The following NUFIP2 variants were observed in gnomAD, a reference collection of about 807,000 sequenced individuals.
NUFIP2 encodes the protein FMR1-interacting protein NUFIP2.
NUFIP2 carries 6 observed loss-of-function variants against 56.9 expected under a neutral mutation model. The ratio of observed to expected loss-of-function variants is 0.11; its 90% CI spans 0.06 to 0.21. NUFIP2 has a LOEUF of 0.21. Among genes scored for constraint, NUFIP2 ranks in the 10% least tolerant of loss-of-function variants. The pLI is 1.00. For synonymous variants in NUFIP2, 321 were observed against 298.2 expected, an observed-to-expected ratio of 1.08 and a Z score of -0.79; for missense variants, 828 against 826.8, an observed-to-expected ratio of 1.00 and a Z score of -0.02.
intron 1 of NUFIP2, among the ~76,000 whole-genome samples, chr17:29,290,028 A>C (rs1443994199): frequency 2.6e-5 from 4 of 151,904 alleles, no homozygotes; most frequent in Admixed American, 6.6e-5. Context: ...GATTCTCCTG[A>C]CTCAGCCTCC....
At chr17:29,268,122 C>A (rs979053561) in intron 2 of NUFIP2, among the ~76,000 whole-genome samples, 10 of 152,338 alleles carry the variant, frequency 6.6e-5, no homozygotes, top group African/African-American at 2.4e-4. Flanking sequence ...TGGTCTTGAA[C>A]TCCTGACCTC....
At chr17:29,292,267 C>A (rs942132956) in intron 1 of NUFIP2, among the ~76,000 whole-genome samples, 1 of 152,034 alleles carries the variant, frequency 6.6e-6, no homozygotes, top group East Asian at 1.9e-4. Context: ...TTGGGTTCAC[C>A]CTTAAGGACA....
At chr17:29,266,446 T>C (rs1217239275) in intron 3 of NUFIP2, among the ~76,000 whole-genome samples, 3 of 151,916 alleles carry the variant, frequency 2.0e-5, no homozygotes, top group Admixed American at 6.6e-5. Context: ...ATAAGAGAAA[T>C]TTCTACACAT....
intron 2 of NUFIP2, among the ~76,000 whole-genome samples, chr17:29,268,681 A>G (rs1270893038): frequency 6.6e-6 from 1 of 151,666 alleles, no homozygotes; most frequent in Non-Finnish European, 1.5e-5. Flanking sequence ...CCATGCTCAG[A>G]TAATTTTGTA....
At position 29,286,234 on chromosome 17, in the gene NUFIP2, T is replaced by G; in HGVS notation, c.1760A>C (p.Glu587Ala). 1 of 1,614,200 alleles carries G rather than the reference T, an allele frequency of 6.2e-7. No homozygotes were observed. Among genetic ancestry groups the G allele is most frequent in the African/African-American group, 1.3e-5 (1 of 75,054 alleles). Reference sequence around the variant, plus strand: ...GGGTTCCAAGGATAAGGCTCCACTCTCACTAGTAGTCCCAGATTTTAGAAT... The same window carrying G: ...GGGTTCCAAGGATAAGGCTCCACTCGCACTAGTAGTCCCAGATTTTAGAAT... ...GSILKSGTTS[E>A]SGALSLEPSH... Residue 587 changes from glutamate (E) to alanine (A), a missense_variant, in exon 2 of 4, where the codon GAG becomes GCG. Around this residue, in one of 3 missense-constraint regions of NUFIP2, gnomAD observed 404 missense variants for 380.3 expected, o/e 1.06. Transcript: ENST00000225388.
chr17:29,280,443 C>G (rs2069133009), intron 2 of NUFIP2, among the ~76,000 whole-genome samples: 1 of 152,164 alleles, frequency 6.6e-6, no homozygotes, highest in Admixed American at 6.6e-5. Flanking sequence ...AGAGCCATCA[C>G]AAGCTAAGCA....
At position 29,291,695 on chromosome 17, in the gene NUFIP2, T is replaced by C. The variant is rs529741278; in HGVS notation, c.277+2088A>G. Among the ~76,000 whole-genome samples, 12 of 152,268 alleles carry C rather than the reference T, an allele frequency of 7.9e-5. No individual in the cohort carries two copies. In the East Asian group the frequency reaches 1.2e-3, roughly 15 times the overall value. ...CAATTTTTCAATCTCAACAGTAATA[T>C]TGCCTTATGCAGCCATAATATGGTA... is the stretch of plus-strand genomic sequence containing the variant. On this transcript the variant is annotated intron_variant, in intron 1 of 3. Coordinates refer to ENST00000225388, the MANE Select transcript of NUFIP2 (RefSeq NM_020772.3).
chr17:29,256,616 T>A lies in NUFIP2; in HGVS notation c.*7923A>T, dbSNP rs1326404953. ...CATGGGGAAAATGCTATCAGTAATA[T>A]CTTCTACTTAAACATATTAGCCTCT... On this transcript the variant is annotated 3_prime_UTR_variant, in exon 4 of 4. Coordinates refer to ENST00000225388, the MANE Select transcript of NUFIP2 (RefSeq NM_020772.3). 1 of 152,010 alleles carries A rather than the reference T, an allele frequency of 6.6e-6. No individual in the cohort carries two copies. Among genetic ancestry groups the A allele is most frequent in the Non-Finnish European group, 1.5e-5 (1 of 67,988 alleles). The allele number at this position is 152,010 out of a possible 1,614,324, so 9.4% of individuals were successfully genotyped here. A position where few individuals can be genotyped will look rare whatever the true frequency, so the allele number is the denominator to read the frequency against.
chr17:29,292,141 GATTA>G (rs1162783906), intron 1 of NUFIP2, among the ~76,000 whole-genome samples: 3 of 152,082 alleles, frequency 2.0e-5, no homozygotes, highest in Non-Finnish European at 4.4e-5. Flanking sequence ...CGTTTATTAA[GATTA>G]GTTTGGGGAT....
chr17:29,289,910 C>A (rs1238534387), intron 1 of NUFIP2, among the ~76,000 whole-genome samples: 1 of 152,132 alleles, frequency 6.6e-6, no homozygotes, highest in Non-Finnish European at 1.5e-5. Context: ...CGAGAGAATA[C>A]ATCTTATAAC....
intron 2 of NUFIP2, among the ~76,000 whole-genome samples, chr17:29,283,692 A>G (rs2069153635): frequency 6.6e-6 from 1 of 152,226 alleles, no homozygotes; most frequent in African/African-American, 2.4e-5. Context: ...TTCCAGTAAT[A>G]GTCTCTAGAG....
chr17:29,268,178 C>T (rs1046481345), intron 2 of NUFIP2, among the ~76,000 whole-genome samples: 2 of 152,156 alleles, frequency 1.3e-5, no homozygotes, highest in Non-Finnish European at 1.5e-5. Flanking sequence ...GGATCACAGG[C>T]GCGAGCCACT....
chr17:29,280,180 CA>C (rs1452495686), intron 2 of NUFIP2, among the ~76,000 whole-genome samples: 2 of 152,142 alleles, frequency 1.3e-5, no homozygotes, highest in African/African-American at 4.8e-5. Flanking sequence ...CCTTCAGTGC[CA>C]TAACAGCCAT....
Position 29,287,631 on chromosome 17 carries a change from G to A in NUFIP2, c.363C>T (p.Ser121=), listed in dbSNP as rs766432878. The change falls in exon 2 of 4, where the codon TCC becomes TCT. Residue 121 remains serine, a synonymous_variant. Transcript: ENST00000225388. ...LSSDEATNPI[S]RVLNGNQQVV... ...CTTGCTGGTTGCCATTGAGGACCCT[G>A]GAAATAGGGTTGGTGGCTTCATCAG... 2 of 1,613,640 alleles carry A rather than the reference G, an allele frequency of 1.2e-6. No individual in the cohort carries two copies. Among genetic ancestry groups the A allele is most frequent in the South Asian group, 1.1e-5 (1 of 91,066 alleles).
chr17:29,268,989 G>A (rs1272630646), intron 2 of NUFIP2, among the ~76,000 whole-genome samples: 2 of 152,008 alleles, frequency 1.3e-5, no homozygotes, highest in East Asian at 1.9e-4. Flanking sequence ...AAATTATAGC[G>A]ACATACACAG....
Position 29,294,109 on chromosome 17 carries a change from A to T in NUFIP2, c.-50T>A. 1.3e-6 allele frequency: 2 copies of T among 1,549,048 alleles called. No individual in the cohort carries two copies. The highest frequency in any genetic ancestry group is 2.4e-5 in the South Asian group (2 of 81,742). On this transcript the variant is annotated 5_prime_UTR_variant, in exon 1 of 4. Coordinates refer to ENST00000225388, the MANE Select transcript of NUFIP2 (RefSeq NM_020772.3). ...TGAGGCTGCGGGCTGCTGCACCGTC[A>T]GGATCTGAGACTGCTTCTCAGGGCT... is the stretch of plus-strand genomic sequence containing the variant.
At chr17:29,272,002 G>A (rs1193444088) in intron 2 of NUFIP2, among the ~76,000 whole-genome samples, 2 of 142,610 alleles carry the variant, frequency 1.4e-5, no homozygotes, top group African/African-American at 2.6e-5. Context: ...GAACCCGGGA[G>A]GCAGAGATTG....
At chr17:29,277,073 A>G (rs547528770) in intron 2 of NUFIP2, among the ~76,000 whole-genome samples, 2 of 152,292 alleles carry the variant, frequency 1.3e-5, no homozygotes, top group East Asian at 1.9e-4. Flanking sequence ...CGCCCAGACT[A>G]GAGTGCAACA....
chr17:29,289,420 C>T (rs965271136), intron 1 of NUFIP2, among the ~76,000 whole-genome samples: 1 of 152,048 alleles, frequency 6.6e-6, no homozygotes, highest in Non-Finnish European at 1.5e-5. Context: ...TGGTGAAACC[C>T]CGTCTCTACT....
Sources: gnomAD v4.1 joint callset for allele counts (sites outside exome capture counted in the v4.1 genomes callset) on GRCh38, gnomAD v4.1.1 for gene constraint, gnomAD v4.1.1 regional missense constraint, MANE v1.5 for transcripts, NCBI Gene and HGNC (gene_info 2026-07-23, HGNC 2026-07-21) for gene names.